FGF14: variants seen among roughly 807,000 people sequenced by gnomAD.
FGF14 encodes fibroblast growth factor homologous factor 4.
In FGF14, 5 loss-of-function variants were observed where a neutral mutation model predicts 25.5. The ratio of observed to expected loss-of-function variants is 0.20; its 90% CI spans 0.10 to 0.41. FGF14 has a LOEUF of 0.41. Ranked by LOEUF, FGF14 falls within the 10% of genes least tolerant of loss-of-function variation. The pLI, the probability that FGF14 is intolerant of heterozygous loss-of-function variation, is 1.00. For missense variants in FGF14, 222 were observed against 320.1 expected (o/e 0.69, Z 2.34); for synonymous variants, 138 against 118.3 (o/e 1.17, Z -1.08).
chr13:102,396,483 GGTT>G (rs1168231472), intron 1 of FGF14, among the ~76,000 whole-genome samples: 4 of 152,076 alleles, frequency 2.6e-5, no homozygotes, highest in Admixed American at 2.6e-4. Context: ...TGAAAACATT[GGTT>G]GTTGTCCTTG....
At chr13:101,988,362 C>A (rs763296792) in intron 1 of FGF14, among the ~76,000 whole-genome samples, 1 of 151,872 alleles carries the variant, frequency 6.6e-6, no homozygotes, top group Non-Finnish European at 1.5e-5. Flanking sequence ...CCATGGATAG[C>A]GCTAAATGAA....
chr13:102,354,994 T>C (rs1039580000), intron 1 of FGF14, among the ~76,000 whole-genome samples: 1 of 152,190 alleles, frequency 6.6e-6, no homozygotes, highest in African/African-American at 2.4e-5. Flanking sequence ...AGACCCATAT[T>C]CTTACATATT....
At chr13:102,173,437 A>C (rs2048325644) in intron 1 of FGF14, among the ~76,000 whole-genome samples, 1 of 152,182 alleles carries the variant, frequency 6.6e-6, no homozygotes, top group African/African-American at 2.4e-5. Context: ...CAAAAAATCA[A>C]AAATAGAACT....
At position 101,841,681 on chromosome 13, in the gene FGF14, C is replaced by T. The variant is rs12585008; in HGVS notation, c.408+27044G>A. ...CAGTCACTAGGAAATCAATGCTTGA[C>T]CTTATAGTAGTTGCTTGGTGGCCAG... On this transcript the variant is annotated intron_variant, in intron 3 of 4. Transcript: ENST00000376143. Among the ~76,000 whole-genome samples the T allele has an allele frequency of 1.6e-4, 25 of 151,996 alleles. No individual in the cohort carries two copies. In the East Asian group the frequency reaches 4.3e-3, roughly 26 times the overall value.
At chr13:102,023,045 C>G (rs908902365) in intron 1 of FGF14, among the ~76,000 whole-genome samples, 2 of 35,586 alleles carry the variant, frequency 5.6e-5, no homozygotes, top group African/African-American at 1.1e-4. Flanking sequence ...TATTTTCGGA[C>G]ACACACACAC....
intron 3 of FGF14, among the ~76,000 whole-genome samples, chr13:101,841,310 G>T (rs1390214119): frequency 1.3e-5 from 2 of 151,752 alleles, no homozygotes; most frequent in African/African-American, 4.8e-5. Context: ...TCACCCAACT[G>T]GCCACCGATT....
At chr13:102,391,740 T>G (rs965239444) in intron 1 of FGF14, among the ~76,000 whole-genome samples, 1 of 152,232 alleles carries the variant, frequency 6.6e-6, no homozygotes, top group African/African-American at 2.4e-5. Flanking sequence ...AAGAGCATAT[T>G]GTGTTACTGC....
chr13:102,294,414 CA>C (rs56656066), intron 1 of FGF14, among the ~76,000 whole-genome samples: 53 of 122,898 alleles, frequency 4.3e-4, no homozygotes, highest in East Asian at 6.9e-4. Flanking sequence ...CTGTTTGGTC[CA>C]AAAAAAAAAA....
intron 1 of FGF14, among the ~76,000 whole-genome samples, chr13:102,101,931 G>A (rs891886552): frequency 1.3e-5 from 2 of 152,116 alleles, no homozygotes; most frequent in African/African-American, 2.4e-5. Context: ...TTGAACTCCT[G>A]ACCTCAGGTG....
intron 1 of FGF14, among the ~76,000 whole-genome samples, chr13:102,401,033 T>G (rs920151478): frequency 1.3e-5 from 2 of 152,044 alleles, no homozygotes; most frequent in Non-Finnish European, 2.9e-5. Context: ...TTGTGCAAGC[T>G]AATCAGAAAG....
chr13:101,891,333 G>A (rs2046257066), intron 1 of FGF14, among the ~76,000 whole-genome samples: 1 of 152,024 alleles, frequency 6.6e-6, no homozygotes, highest in African/African-American at 2.4e-5. Context: ...GTGCCCTCTG[G>A]AGATGGGCCC....
intron 3 of FGF14, among the ~76,000 whole-genome samples, chr13:101,800,276 A>G (rs2040796807): frequency 1.3e-5 from 2 of 152,192 alleles, no homozygotes; most frequent in Non-Finnish European, 2.9e-5. Context: ...TATATTTCAA[A>G]GACTATTTCA....
intron 1 of FGF14, among the ~76,000 whole-genome samples, chr13:101,885,268 T>C (rs2045931209): frequency 6.6e-6 from 1 of 152,188 alleles, no homozygotes; most frequent in African/African-American, 2.4e-5. Context: ...TTAATTTGAC[T>C]CTATTTCACA....
At chr13:102,085,376 C>A (rs1488323020) in intron 1 of FGF14, among the ~76,000 whole-genome samples, 2 of 152,136 alleles carry the variant, frequency 1.3e-5, no homozygotes, top group African/African-American at 4.8e-5. Flanking sequence ...CACCCCAAAT[C>A]CCTCAACTGG....
intron 1 of FGF14, among the ~76,000 whole-genome samples, chr13:102,336,327 GAGA>G (rs1423319279): frequency 6.6e-6 from 1 of 152,176 alleles, no homozygotes; most frequent in Non-Finnish European, 1.5e-5. Context: ...GTGGTCTGGA[GAGA>G]AGATCAAACC....
upstream of FGF14, among the ~76,000 whole-genome samples, chr13:101,918,133 G>C (rs942483440): frequency 6.6e-6 from 1 of 152,120 alleles, no homozygotes; most frequent in Non-Finnish European, 1.5e-5. Context: ...TCCCGACAGC[G>C]GTTCCCTCCT....
chr13:102,155,259 G>A (rs2047276714), intron 1 of FGF14, among the ~76,000 whole-genome samples: 1 of 152,150 alleles, frequency 6.6e-6, no homozygotes, highest in Non-Finnish European at 1.5e-5. Context: ...CCACATAGGT[G>A]GAAGTAAAGC....
At chr13:102,149,617 T>C (rs530496) in intron 1 of FGF14, among the ~76,000 whole-genome samples, 8,847 of 152,250 alleles carry the variant, frequency 0.058, 891 homozygotes, top group African/African-American at 0.2. Context: ...GGAGATTAGA[T>C]GTGACATTTG....
At chr13:102,326,112 A>C (rs2056416023) in intron 1 of FGF14, among the ~76,000 whole-genome samples, 1 of 152,316 alleles carries the variant, frequency 6.6e-6, no homozygotes, top group Non-Finnish European at 1.5e-5. Context: ...TTCAATTCAA[A>C]TTTTAAAGCA....
Sources: allele counts gnomAD v4.1 joint callset (sites outside exome capture counted in the v4.1 genomes callset), GRCh38; gene constraint gnomAD v4.1.1; transcripts MANE v1.5; gene names NCBI Gene and HGNC (gene_info 2026-07-23, HGNC 2026-07-21).